RBFOX1: variants seen among roughly 807,000 people sequenced by gnomAD.
RBFOX1 encodes the protein RNA binding protein fox-1 homolog 1.
Under a neutral mutation model 57.7 loss-of-function variants are expected in RBFOX1, and 8 were observed. The ratio of observed to expected loss-of-function variants is 0.14; its 90% confidence interval spans 0.08 to 0.25. RBFOX1 has a LOEUF of 0.25. Ranked by LOEUF, RBFOX1 falls within the 10% of genes least tolerant of loss-of-function variation. The pLI is 1.00. For missense variants in RBFOX1, 611 were observed against 548.5 expected (o/e 1.11, Z -1.14); for synonymous variants, 326 against 222.4 (o/e 1.47, Z -4.15).
intron 1 of RBFOX1, among the ~76,000 whole-genome samples, chr16:5,449,555 C>T (rs1396182939): frequency 6.6e-6 from 1 of 152,106 alleles, no homozygotes; most frequent in Non-Finnish European, 1.5e-5. Flanking sequence ...CTATCTGGCC[C>T]CATGCTTTCT....
intron 3 of RBFOX1, among the ~76,000 whole-genome samples, chr16:6,979,940 G>C (rs541980217): frequency 6.6e-6 from 1 of 152,208 alleles, no homozygotes; most frequent in East Asian, 1.9e-4. Flanking sequence ...GTTTCTGAGA[G>C]GTCTCTGGGG....
At chr16:5,665,285 G>A (rs558015817) in intron 3 of RBFOX1, among the ~76,000 whole-genome samples, 13 of 152,200 alleles carry the variant, frequency 8.5e-5, no homozygotes, top group Non-Finnish European at 1.8e-4. Context: ...TTGCATCCAT[G>A]TCCCCTCTGC....
intron 3 of RBFOX1, among the ~76,000 whole-genome samples, chr16:5,711,997 T>C (rs1327328922): frequency 6.6e-6 from 1 of 152,220 alleles, no homozygotes; most frequent in Non-Finnish European, 1.5e-5. Context: ...TCATAGTTCC[T>C]CATGGCTGGG....
intron 3 of RBFOX1, among the ~76,000 whole-genome samples, chr16:5,785,570 C>T (rs867475003): frequency 7.2e-5 from 11 of 151,814 alleles, no homozygotes; most frequent in South Asian, 2.1e-4. Context: ...TCTTGTTGCC[C>T]AGACTGGAGT....
At chr16:6,226,615 A>G (rs2097420497) in intron 1 of RBFOX1, among the ~76,000 whole-genome samples, 1 of 152,138 alleles carries the variant, frequency 6.6e-6, no homozygotes, top group Non-Finnish European at 1.5e-5. Context: ...ATGAAAGTCA[A>G]AAGAATTACT....
intron 3 of RBFOX1, among the ~76,000 whole-genome samples, chr16:5,746,743 C>G (rs1489658190): frequency 6.6e-6 from 1 of 152,166 alleles, no homozygotes; most frequent in Non-Finnish European, 1.5e-5. Flanking sequence ...CTCTGTTTGT[C>G]TGCTACTGGT....
chr16:7,293,809 C>G (rs1293739345), intron 4 of RBFOX1, among the ~76,000 whole-genome samples: 1 of 152,070 alleles, frequency 6.6e-6, no homozygotes, highest in Admixed American at 6.6e-5. Context: ...TAGCTCACCT[C>G]CAACAATCAT....
At chr16:7,003,983 G>C (rs1020977455) in intron 3 of RBFOX1, 1 of 139,810 alleles carries the variant, frequency 7.2e-6, no homozygotes, top group Non-Finnish European at 1.5e-5. Context: ...GGGTAGAAAT[G>C]AGGGGTTTTT....
intron 4 of RBFOX1, among the ~76,000 whole-genome samples, chr16:7,428,301 T>G (rs978465196): frequency 6.6e-6 from 1 of 151,404 alleles, no homozygotes; most frequent in African/African-American, 2.4e-5. Flanking sequence ...ATGAGATATA[T>G]TTGACCTATG....
At chr16:5,493,567 G>T (rs990363108) in intron 2 of RBFOX1, among the ~76,000 whole-genome samples, 4 of 152,224 alleles carry the variant, frequency 2.6e-5, no homozygotes, top group Non-Finnish European at 5.9e-5. Context: ...GGTGCTGATT[G>T]ATGGGACAGA....
At chr16:7,687,458 A>C (rs2076306798) in intron 14 of RBFOX1, among the ~76,000 whole-genome samples, 1 of 152,082 alleles carries the variant, frequency 6.6e-6, no homozygotes, top group South Asian at 2.1e-4. Context: ...CCTGATATGT[A>C]GCAAGCCCCT....
chr16:7,285,274 T>G (rs1345133695), intron 4 of RBFOX1, among the ~76,000 whole-genome samples: 1 of 152,038 alleles, frequency 6.6e-6, no homozygotes, highest in Non-Finnish European at 1.5e-5. Context: ...TTTTCCCCAA[T>G]GGTAACATTT....
intron 15 of RBFOX1, chr16:7,709,410 A>G: frequency 1.6e-6 from 2 of 1,286,196 alleles, no homozygotes; most frequent in East Asian, 2.7e-5. Flanking sequence ...TTTGATAATT[A>G]AATCCATCAC....
At chr16:7,367,562 A>AGAGAT (rs1254536689) in intron 4 of RBFOX1, among the ~76,000 whole-genome samples, 3 of 152,216 alleles carry the variant, frequency 2.0e-5, no homozygotes, top group African/African-American at 7.2e-5. Context: ...AGTTAATGGA[A>AGAGAT]GAGATGGAAA....
intron 1 of RBFOX1, among the ~76,000 whole-genome samples, chr16:6,229,305 TCTC>T (rs1312621588): frequency 1.3e-5 from 2 of 152,206 alleles, no homozygotes; most frequent in African/African-American, 4.8e-5. Flanking sequence ...GTCTCATCGT[TCTC>T]CTGTGATTCT....
intron 2 of RBFOX1, among the ~76,000 whole-genome samples, chr16:6,375,617 A>G (rs1259667414): frequency 1.3e-5 from 2 of 152,042 alleles, no homozygotes; most frequent in East Asian, 3.9e-4. Flanking sequence ...GAATCATGTG[A>G]TTGCTGGACA....
intron 3 of RBFOX1, among the ~76,000 whole-genome samples, chr16:5,835,504 G>C (rs1259819696): frequency 2.0e-5 from 3 of 152,164 alleles, no homozygotes; most frequent in African/African-American, 7.2e-5. Context: ...CCTGCCTGTT[G>C]GTTGAAAAGA....
intron 3 of RBFOX1, among the ~76,000 whole-genome samples, chr16:5,631,571 AG>A (rs1397091098): frequency 6.6e-6 from 1 of 151,720 alleles, no homozygotes; most frequent in African/African-American, 2.4e-5. Context: ...AAAAAAAAAA[AG>A]TGTCTCTTCT....
intron 3 of RBFOX1, among the ~76,000 whole-genome samples, chr16:5,821,514 G>T (rs1451538761): frequency 1.3e-5 from 2 of 152,024 alleles, no homozygotes; most frequent in Non-Finnish European, 2.9e-5. Context: ...TGGTGTTCAG[G>T]CTTGTGTCCA....
Sources: gnomAD v4.1 joint callset for allele counts (sites outside exome capture counted in the v4.1 genomes callset) on GRCh38, gnomAD v4.1.1 for gene constraint, MANE v1.5 for transcripts, NCBI Gene and HGNC (gene_info 2026-07-23, HGNC 2026-07-21) for gene names.